SLC38A12: variants seen among roughly 807,000 people sequenced by gnomAD.
The protein encoded by SLC38A12 is putative sodium-coupled neutral amino acid transporter 12.
the SLC38A12 span, among the ~76,000 whole-genome samples, chr17:74,825,213 G>C: frequency 3.3e-5 from 5 of 152,170 alleles, no homozygotes; most frequent in Non-Finnish European, 7.4e-5. Flanking sequence ...AGCCCTGCAC[G>C]GCCCAGGTCT....
At chr17:74,791,356 A>AACCCCAGGCAGCTACTCCAGTGAG in the SLC38A12 span, among the ~76,000 whole-genome samples, 1 of 129,276 alleles carries the variant, frequency 7.7e-6, no homozygotes, top group African/African-American at 3.5e-5. Flanking sequence ...ACTCCAGCGG[A>AACCCCAGGCAGCTACTCCAGTGAG]GGTCAGGAAC....
the SLC38A12 span, chr17:74,790,976 C>A: frequency 3.1e-6 from 5 of 1,613,960 alleles, no homozygotes; most frequent in African/African-American, 4.0e-5. Flanking sequence ...ATCTCCCAAC[C>A]CGTTTGAAAT....
At chr17:74,777,551 G>T in the SLC38A12 span, 1 of 1,535,642 alleles carries the variant, frequency 6.5e-7, no homozygotes. Flanking sequence ...GGCTCAGAAT[G>T]TAAGTCAGAT....
chr17:74,813,935 C>T, the SLC38A12 span, among the ~76,000 whole-genome samples: 3 of 152,278 alleles, frequency 2.0e-5, no homozygotes, highest in Non-Finnish European at 2.9e-5. Context: ...CAGTCCGCTC[C>T]GTCTCCTTCC....
the SLC38A12 span, among the ~76,000 whole-genome samples, chr17:74,811,351 C>G: frequency 6.6e-6 from 1 of 151,140 alleles, no homozygotes; most frequent in Non-Finnish European, 1.5e-5. Flanking sequence ...AAAAAACAAA[C>G]AAAAAAATGC....
chr17:74,799,952 G>A, the SLC38A12 span, among the ~76,000 whole-genome samples: 4 of 152,198 alleles, frequency 2.6e-5, no homozygotes, highest in Admixed American at 2.0e-4. Context: ...ACCTTGCATC[G>A]GTGTAGCACA....
the SLC38A12 span, among the ~76,000 whole-genome samples, chr17:74,794,136 C>T: frequency 6.6e-6 from 1 of 152,240 alleles, no homozygotes; most frequent in Non-Finnish European, 1.5e-5. Flanking sequence ...CTTTTCAGAG[C>T]CCTTGCACCT....
chr17:74,790,292 T>A, the SLC38A12 span: 1 of 1,614,056 alleles, frequency 6.2e-7, no homozygotes, highest in Non-Finnish European at 8.5e-7. Context: ...CCATCCTGTC[T>A]GTGCGTAAGT....
chr17:74,776,777 G>A, the SLC38A12 span, among the ~76,000 whole-genome samples: 5 of 152,108 alleles, frequency 3.3e-5, no homozygotes, highest in Non-Finnish European at 5.9e-5. Context: ...GGGAGTGGAG[G>A]CCCCATTAAA....
At chr17:74,802,250 A>G in the SLC38A12 span, among the ~76,000 whole-genome samples, 6 of 152,242 alleles carry the variant, frequency 3.9e-5, no homozygotes, top group East Asian at 3.9e-4. Context: ...ACCATCCATC[A>G]TGCCCCACGA....
the SLC38A12 span, among the ~76,000 whole-genome samples, chr17:74,789,908 T>G: frequency 6.7e-6 from 1 of 149,104 alleles, no homozygotes; most frequent in East Asian, 2.0e-4. Context: ...TTCTGTAGAG[T>G]TCCATGCTCT....
the SLC38A12 span, among the ~76,000 whole-genome samples, chr17:74,803,886 C>G: frequency 1.3e-5 from 2 of 152,222 alleles, no homozygotes; most frequent in African/African-American, 4.8e-5. Flanking sequence ...TCAGATCTCT[C>G]CCTGCCACCT....
chr17:74,795,445 G>A, the SLC38A12 span: 1 of 1,280,694 alleles, frequency 7.8e-7, no homozygotes, highest in South Asian at 1.3e-5. Flanking sequence ...AGGCAGCTGT[G>A]CAGGGAGTGG....
chr17:74,805,617 C>T, the SLC38A12 span, among the ~76,000 whole-genome samples: 2 of 152,200 alleles, frequency 1.3e-5, no homozygotes, highest in South Asian at 4.1e-4. The surrounding 1 kb of genome is among the most constrained non-coding windows in gnomAD (Gnocchi z 5.0). Flanking sequence ...TCCGTCCCGC[C>T]TCCAAGGTTA....
At chr17:74,830,601 C>T in the SLC38A12 span, among the ~76,000 whole-genome samples, 2 of 152,208 alleles carry the variant, frequency 1.3e-5, no homozygotes, top group Non-Finnish European at 1.5e-5. Flanking sequence ...GCGGTAAAGC[C>T]GATATTAACA....
the SLC38A12 span, among the ~76,000 whole-genome samples, chr17:74,824,230 C>A: frequency 6.6e-6 from 1 of 152,280 alleles, no homozygotes; most frequent in East Asian, 1.9e-4. Context: ...TCCGCCGCCC[C>A]CAGCATCTAC....
the SLC38A12 span, among the ~76,000 whole-genome samples, chr17:74,832,732 CCCA>C: frequency 6.6e-6 from 1 of 152,366 alleles, no homozygotes; most frequent in East Asian, 1.9e-4. Context: ...TTCACGAAAG[CCCA>C]CATGGCCCTG....
chr17:74,800,515 T>G, the SLC38A12 span, among the ~76,000 whole-genome samples: 2 of 152,258 alleles, frequency 1.3e-5, no homozygotes, highest in African/African-American at 4.8e-5. Context: ...TGTTAATAAG[T>G]GGGTCAACGC....
At chr17:74,787,868 A>G in the SLC38A12 span, among the ~76,000 whole-genome samples, 3 of 150,158 alleles carry the variant, frequency 2.0e-5, no homozygotes, top group Admixed American at 2.0e-4. Context: ...ATCTCGGCTC[A>G]CTGCAACTTC....
Sources: gnomAD v4.1 joint callset for allele counts (sites outside exome capture counted in the v4.1 genomes callset) on GRCh38, gnomAD v4.1.1 for gene constraint, Gnocchi (gnomAD v3.1) non-coding constraint, MANE v1.5 for transcripts, NCBI Gene and HGNC (gene_info 2026-07-23, HGNC 2026-07-21) for gene names.